The following PTPRQ variants were observed in gnomAD, a reference collection of about 807,000 sequenced individuals.
PTPRQ encodes the protein phosphatidylinositol phosphatase PTPRQ.
A neutral mutation model predicts 246.0 loss-of-function variants in PTPRQ; 199 were observed. That is an observed-to-expected ratio of 0.81 (90% CI 0.72 to 0.91). The LOEUF (loss-of-function observed/expected upper bound fraction) is 0.91. Among genes scored for constraint, PTPRQ ranks in the 40% least tolerant of loss-of-function variants. The pLI, the probability that PTPRQ is intolerant of heterozygous loss-of-function variation, is 0.00. For missense variants in PTPRQ, 2,624 were observed against 2,528.4 expected, an observed-to-expected ratio of 1.04 and a Z score of -0.81; for synonymous variants, 869 against 853.2, an observed-to-expected ratio of 1.02 and a Z score of -0.32.
chr12:80,596,631 A>T (rs1200607779), intron 26 of PTPRQ, among the ~76,000 whole-genome samples: 3 of 152,054 alleles, frequency 2.0e-5, no homozygotes, highest in Non-Finnish European at 4.4e-5. Context: ...TCCATTCAAC[A>T]AGAAGTGTAA....
At chr12:80,578,259 C>T (rs1010629659) in intron 25 of PTPRQ, among the ~76,000 whole-genome samples, 2 of 141,410 alleles carry the variant, frequency 1.4e-5, no homozygotes, top group African/African-American at 5.3e-5. Context: ...TGTGACGTTC[C>T]GCTTCCTGTG....
At chr12:80,489,447 G>T (rs1894377607) in intron 9 of PTPRQ, among the ~76,000 whole-genome samples, 1 of 151,972 alleles carries the variant, frequency 6.6e-6, no homozygotes, top group African/African-American at 2.4e-5. Flanking sequence ...TAAAATGTTA[G>T]CCTTTGCAGT....
intron 39 of PTPRQ, among the ~76,000 whole-genome samples, chr12:80,667,338 A>G (rs1041008815): frequency 5.3e-5 from 8 of 151,948 alleles, no homozygotes; most frequent in Admixed American, 5.3e-4. Context: ...GGAGAACACT[A>G]TGATAAGTGA....
At chr12:80,557,031 AC>A (rs1307756400) in intron 25 of PTPRQ, among the ~76,000 whole-genome samples, 2 of 152,216 alleles carry the variant, frequency 1.3e-5, no homozygotes, top group African/African-American at 4.8e-5. Context: ...GAAGGAAACA[AC>A]ATAAGTAATT....
At chr12:80,475,022 T>C (rs916604635) in intron 8 of PTPRQ, among the ~76,000 whole-genome samples, 16 of 152,312 alleles carry the variant, frequency 1.1e-4, no homozygotes, top group African/African-American at 3.6e-4. Flanking sequence ...TACTTGTTTT[T>C]CAAAATATAC....
rs567323682 is a variant in PTPRQ, at chr12:80,556,033, A to G, written c.4285+6299A>G. On this transcript the variant is annotated intron_variant, in intron 25 of 44. Coordinates refer to ENST00000644991, the MANE Select transcript of PTPRQ (RefSeq NM_001145026.2). Reference sequence around the variant, plus strand: ...TATGTTGGTCAATTTTGTGGCTTGAAGATTTTTTTTTTGAGACAGAGTCTT... The same window carrying G: ...TATGTTGGTCAATTTTGTGGCTTGAGGATTTTTTTTTTGAGACAGAGTCTT... 2.0e-4 allele frequency among the ~76,000 whole-genome samples: 30 copies of G among 152,196 alleles called. No individual in the cohort carries two copies. The South Asian group carries it at 6.2e-3, about 32-fold the overall frequency.
chr12:80,556,521 A>G (rs192144491), intron 25 of PTPRQ, among the ~76,000 whole-genome samples: 65 of 152,350 alleles, frequency 4.3e-4, no homozygotes, highest in African/African-American at 1.5e-3. Context: ...TTCGTAGACA[A>G]GTACACTAAT....
chr12:80,591,488 G>A (rs1897800880), intron 26 of PTPRQ, among the ~76,000 whole-genome samples: 1 of 152,168 alleles, frequency 6.6e-6, no homozygotes, highest in Admixed American at 6.5e-5. Context: ...AATATTCCCT[G>A]AATGAGAGAA....
Position 80,542,336 on chromosome 12 carries a change from TA to T in PTPRQ, c.3694del (p.Ile1232PhefsTer12). 6.5e-7 allele frequency: 1 copy of T among 1,544,678 alleles called. No individual in the cohort carries two copies. Among genetic ancestry groups the T allele is most frequent in the East Asian group, 2.4e-5 (1 of 40,820 alleles). On this transcript the variant is annotated frameshift_variant, in exon 22 of 45. Coordinates refer to ENST00000644991, the MANE Select transcript of PTPRQ (RefSeq NM_001145026.2). LOFTEE classifies it high-confidence loss of function. ...RTRKGLGPSS[I>X]LFFYTDESVP... The stretch of plus-strand genomic sequence containing the variant: ...CTAGAAAAGGACTTGGTCCTTCCAG[TA>T]TTCTTTTCTTTTACACAGATGAGTC...
At chr12:80,523,257 C>T (rs1244289906) in intron 17 of PTPRQ, among the ~76,000 whole-genome samples, 1 of 151,784 alleles carries the variant, frequency 6.6e-6, no homozygotes, top group Non-Finnish European at 1.5e-5. Context: ...TCTCTCTTTC[C>T]TTCTTTATTA....
intron 33 of PTPRQ, among the ~76,000 whole-genome samples, chr12:80,627,128 T>C (rs1400198114): frequency 6.6e-6 from 1 of 151,994 alleles, no homozygotes; most frequent in Non-Finnish European, 1.5e-5. Context: ...GATATATGTA[T>C]ACCATGTGCA....
At chr12:80,642,185 T>G (rs1021212701) in intron 35 of PTPRQ, among the ~76,000 whole-genome samples, 1 of 152,134 alleles carries the variant, frequency 6.6e-6, no homozygotes, top group East Asian at 1.9e-4. Context: ...CCAAATCCAG[T>G]TTTCTGAGGT....
intron 23 of PTPRQ, among the ~76,000 whole-genome samples, chr12:80,545,748 T>A: frequency 6.7e-6 from 1 of 148,214 alleles, no homozygotes; most frequent in Middle Eastern, 3.6e-3. Flanking sequence ...ATTATTATTT[T>A]AAAATAATAA....
chr12:80,461,168 A>T (rs1893153480), intron 6 of PTPRQ, among the ~76,000 whole-genome samples: 1 of 152,168 alleles, frequency 6.6e-6, no homozygotes, highest in South Asian at 2.1e-4. Flanking sequence ...ATCATTTTAT[A>T]ATGTCAGCAA....
chr12:80,578,817 T>C (rs564288452), intron 25 of PTPRQ, among the ~76,000 whole-genome samples: 116 of 152,342 alleles, frequency 7.6e-4, no homozygotes, highest in African/African-American at 2.7e-3. Flanking sequence ...TTGGTTTCAG[T>C]ATCAGAGATT....
At chr12:80,630,032 A>T (rs531331287) in intron 33 of PTPRQ, among the ~76,000 whole-genome samples, 34 of 152,298 alleles carry the variant, frequency 2.2e-4, no homozygotes, top group African/African-American at 7.9e-4. Flanking sequence ...TTCTCTAATA[A>T]GTACATTTTT....
At position 80,673,177 on chromosome 12, in the gene PTPRQ, T is replaced by A. The variant is rs1901028078; in HGVS notation, c.6611T>A (p.Val2204Asp). The A allele has an allele frequency of 1.3e-6, 2 of 1,550,524 alleles. No homozygotes were observed. The highest frequency in any genetic ancestry group is 1.7e-6 in the Non-Finnish European group (2 of 1,146,250). Reference protein sequence around the residue: ...TPMIVHCSAGVGRTGVFIALD... With the variant: ...TPMIVHCSAGDGRTGVFIALD... ...ATTTACCCTTCCTGTAGTGCTGGAGTTGGAAGAACTGGAGTTTTTATTGCT... is the reference window on the plus strand; with the variant it reads ...ATTTACCCTTCCTGTAGTGCTGGAGATGGAAGAACTGGAGTTTTTATTGCT... The change falls in exon 43 of 45, where the codon GTT becomes GAT. Residue 2204 changes from valine to aspartate, a missense_variant. Transcript: ENST00000644991.
intron 14 of PTPRQ, 37 bp from the exon 15 acceptor site, chr12:80,505,987 G>C: frequency 1.3e-6 from 2 of 1,517,640 alleles, no homozygotes; most frequent in Non-Finnish European, 8.8e-7. Flanking sequence ...TTTTAGAATG[G>C]AATTGTTTTA....
intron 28 of PTPRQ, among the ~76,000 whole-genome samples, chr12:80,610,911 T>C (rs577047737): frequency 6.6e-6 from 1 of 150,566 alleles, no homozygotes; most frequent in Admixed American, 6.6e-5. Flanking sequence ...GTTTCAGAAA[T>C]TAAGTAAGCT....
Sources: gnomAD v4.1 joint callset for allele counts (sites outside exome capture counted in the v4.1 genomes callset) on GRCh38, gnomAD v4.1.1 for gene constraint, MANE v1.5 for transcripts, NCBI Gene and HGNC (gene_info 2026-07-23, HGNC 2026-07-21) for gene names.